Variants in ANK2 observed in about 807,000 individuals in gnomAD.
ANK2 encodes ankyrin 2.
Under a neutral mutation model 360.5 loss-of-function variants are expected in ANK2, and 83 were observed. The ratio of observed to expected loss-of-function variants is 0.23; its 90% CI spans 0.19 to 0.28. The LOEUF (loss-of-function observed/expected upper bound fraction) is 0.28, where lower values mean the gene tolerates loss of function less well. ANK2 is among the 10% of genes least tolerant of loss of function. ANK2 has a pLI of 1.00. For missense variants in ANK2, 4,201 were observed against 4,795.7 expected, an observed-to-expected ratio of 0.88 and a Z score of 3.66; for synonymous variants, 1,740 against 1,759.5, an observed-to-expected ratio of 0.99 and a Z score of 0.28.
At chr4:113,336,506 A>C in intron 30 of ANK2, 71 bp from the exon 31 acceptor site, 1 of 1,350,198 alleles carries the variant, frequency 7.4e-7, no homozygotes, top group Non-Finnish European at 1.0e-6. Flanking sequence ...TTTGAAATTA[A>C]GTATAATGAT....
chr4:112,977,986 G>A (rs1582393989), intron 2 of ANK2, among the ~76,000 whole-genome samples: 1 of 152,192 alleles, frequency 6.6e-6, no homozygotes, highest in Admixed American at 6.5e-5. Context: ...GCTCACGCCT[G>A]TAATCCCAGC....
At chr4:112,819,668 C>G (rs976424442) in intron 1 of ANK2, among the ~76,000 whole-genome samples, 7 of 152,148 alleles carry the variant, frequency 4.6e-5, no homozygotes, top group African/African-American at 1.7e-4. Flanking sequence ...AGCACAGAGA[C>G]AGTTCTAATT....
At chr4:112,909,091 G>A (rs1415119412) in intron 2 of ANK2, among the ~76,000 whole-genome samples, 3 of 152,186 alleles carry the variant, frequency 2.0e-5, no homozygotes, top group Non-Finnish European at 4.4e-5. Flanking sequence ...TTTAGATACT[G>A]GGGAATAGAA....
chr4:112,908,024 T>C (rs1314102217), intron 2 of ANK2, among the ~76,000 whole-genome samples: 1 of 152,222 alleles, frequency 6.6e-6, no homozygotes, highest in African/African-American at 2.4e-5. Context: ...ATGTTGCTTT[T>C]CCATTAGGGT....
At chr4:113,340,090 A>G (rs1389595943) in intron 32 of ANK2, among the ~76,000 whole-genome samples, 1 of 152,230 alleles carries the variant, frequency 6.6e-6, no homozygotes, top group Admixed American at 6.5e-5. Flanking sequence ...AGCCACCCAG[A>G]GGCTCAACTA....
chr4:112,754,255 C>T, the ANK2 span, among the ~76,000 whole-genome samples: 2 of 150,990 alleles, frequency 1.3e-5, no homozygotes, highest in Non-Finnish European at 2.9e-5. Context: ...GGCATGTCCT[C>T]TGCCTGGCAT....
rs545901806 is a variant in ANK2, at chr4:112,861,075, T to C, written c.-40+42811T>C. Among the ~76,000 whole-genome samples, 4 of 152,332 alleles carry C rather than the reference T, an allele frequency of 2.6e-5. No homozygotes were observed. The East Asian group carries it at 7.7e-4, about 29-fold the overall frequency. ...GAGAGGCAAAGAATTGTCTCTACAC[T>C]CTGATGCGGGGATATGCAGGAGGAG... On this transcript the variant is annotated intron_variant, in intron 1 of 30. Coordinates refer to the ANK2 transcript ENST00000503271.
At chr4:113,206,618 G>A (rs1266608788) in intron 4 of ANK2, among the ~76,000 whole-genome samples, 2 of 151,456 alleles carry the variant, frequency 1.3e-5, no homozygotes, top group Non-Finnish European at 2.9e-5. Context: ...AGGCCACTGG[G>A]TGATTACAAA....
intron 34 of ANK2, 35 bp from the exon 35 acceptor site, chr4:113,345,865 A>T: frequency 1.9e-6 from 3 of 1,612,200 alleles, no homozygotes; most frequent in Non-Finnish European, 2.5e-6. Context: ...TGCAAATCAA[A>T]TGTGGGTGAA....
rs75714567 is a variant in ANK2, at chr4:112,876,711, C to T, written c.-39-27744C>T. Reference sequence around the variant, plus strand: ...CAAGGCCTGTTACCTGGTAAGGGAGCGAATTTATCCTCATCTTGCAGCCAA... The same window carrying T: ...CAAGGCCTGTTACCTGGTAAGGGAGTGAATTTATCCTCATCTTGCAGCCAA... On this transcript the variant is annotated intron_variant, in intron 1 of 30. Transcript: ENST00000503271. 5.2e-3 allele frequency among the ~76,000 whole-genome samples: 797 copies of T among 152,166 alleles called. 7 individuals are homozygous for T. The highest frequency in any genetic ancestry group is 0.017 in the African/African-American group (723 of 41,502).
Position 113,353,967 on chromosome 4 carries a change from T to C in ANK2, c.5349T>C (p.Gly1783=), listed in dbSNP as rs764529976. Residue 1783 remains glycine, a synonymous_variant, in exon 38 of 46, where the codon GGT becomes GGC. Transcript: ENST00000357077. The stretch of plus-strand genomic sequence containing the variant: ...AGCGAGTGGAAGATGAACAGAAAGG[T>C]CGAAGCAAGTTGCCCATCAGAGTCA... ...LQKRVEDEQK[G]RSKLPIRVKG... is the part of the protein sequence containing the mutation. 1.9e-6 allele frequency: 3 copies of C among 1,613,614 alleles called. No homozygotes were observed. Among genetic ancestry groups the C allele is most frequent in the East Asian group, 4.5e-5 (2 of 44,870 alleles).
At chr4:112,899,447 C>A (rs985102654) in intron 1 of ANK2, among the ~76,000 whole-genome samples, 1 of 152,036 alleles carries the variant, frequency 6.6e-6, no homozygotes, top group Non-Finnish European at 1.5e-5. Flanking sequence ...TCTTTTTTCT[C>A]CCTCTGGCCC....
intron 2 of ANK2, among the ~76,000 whole-genome samples, chr4:113,005,523 G>A (rs913611947): frequency 1.3e-5 from 2 of 152,130 alleles, no homozygotes; most frequent in Admixed American, 6.5e-5. Context: ...ATATGTACGA[G>A]CTAAAACAGT....
At chr4:112,842,575 A>G (rs1422988202) in intron 1 of ANK2, among the ~76,000 whole-genome samples, 1 of 152,160 alleles carries the variant, frequency 6.6e-6, no homozygotes, top group African/African-American at 2.4e-5. Context: ...AGATTTTCAT[A>G]AGAAGCCCGT....
intron 1 of ANK2, among the ~76,000 whole-genome samples, chr4:112,877,876 C>G (rs1560910016): frequency 6.6e-6 from 1 of 152,116 alleles, no homozygotes; most frequent in Non-Finnish European, 1.5e-5. Context: ...TTTTTCAGTT[C>G]TTATATTTAT....
At chr4:113,239,225 C>G (rs1316382348) in intron 7 of ANK2, among the ~76,000 whole-genome samples, 1 of 151,970 alleles carries the variant, frequency 6.6e-6, no homozygotes, top group African/African-American at 2.4e-5. Flanking sequence ...AGTAACTGTT[C>G]TTATTTTGTG....
chr4:113,310,932 T>C (rs1045836364), intron 23 of ANK2, among the ~76,000 whole-genome samples: 1 of 152,228 alleles, frequency 6.6e-6, no homozygotes, highest in Non-Finnish European at 1.5e-5. Context: ...TATGCCTGTG[T>C]TTTGATAAAT....
Position 113,174,530 on chromosome 4 carries a change from C to G in ANK2, c.186+13C>G. 6.4e-7 allele frequency: 1 copy of G among 1,562,214 alleles called. No homozygotes were observed. ...TACCTGCAATCAGGTAAGAACATGGCAGCTAGCTCTGTGTTGTGCAACGAA... is the reference window on the plus strand; with the variant it reads ...TACCTGCAATCAGGTAAGAACATGGGAGCTAGCTCTGTGTTGTGCAACGAA... On this transcript the variant is annotated intron_variant, in intron 2 of 45. Transcript: ENST00000357077.
intron 19 of ANK2, 67 bp downstream of exon 19, chr4:113,287,770 G>C (rs1302370254): frequency 7.4e-7 from 1 of 1,354,556 alleles, no homozygotes; most frequent in Non-Finnish European, 1.0e-6. Context: ...GCCCCCATTC[G>C]GGTCACCCCA....
Sources: gnomAD v4.1 joint callset for allele counts (sites outside exome capture counted in the v4.1 genomes callset) on GRCh38, gnomAD v4.1.1 for gene constraint, MANE v1.5 for transcripts, NCBI Gene and HGNC (gene_info 2026-07-23, HGNC 2026-07-21) for gene names.